The following SLC39A3 variants were observed in gnomAD, a reference collection of about 807,000 sequenced individuals.
SLC39A3 encodes zinc transporter ZIP3.
A neutral mutation model predicts 5.1 loss-of-function variants in SLC39A3; 3 were observed. That is an observed-to-expected ratio of 0.59 (90% CI 0.27 to 1.54). The LOEUF is 1.54. SLC39A3 is among the 40% of genes most tolerant of loss of function. The probability of loss-of-function intolerance (pLI) is 0.12; values close to 1 mark genes in which losing one functional copy is unlikely to be tolerated. For synonymous variants in SLC39A3, 250 were observed against 218.8 expected (o/e 1.14, Z -1.26); for missense variants, 412 against 436.4 (o/e 0.94, Z 0.50).
chr19:2,734,946 G>T lies in SLC39A3; in HGVS notation c.211-1461C>A, dbSNP rs1023019426. On this transcript the variant is annotated intron_variant, in intron 2 of 2. Transcript: ENST00000269740. The surrounding 1 kb of genome is among the most constrained non-coding windows in gnomAD (Gnocchi z 4.6). ...TGTGAACCAGGCACCATTTTCCAGG[G>T]GTGACTGAGAGCCTGGCCCTGCAGT... is the stretch of plus-strand genomic sequence containing the variant. 4 of 985,386 alleles carry T rather than the reference G, an allele frequency of 4.1e-6. No individual in the cohort carries two copies. The highest frequency in any genetic ancestry group is 3.5e-5 in the African/African-American group (2 of 57,238). 61.0% of individuals were successfully genotyped at this position (985,386 alleles called of 1,614,324 possible).
In SLC39A3 at chr19:2,737,133, T is replaced by G; in HGVS notation, c.125A>C (p.Lys42Thr). Reference protein sequence around the residue: ...TDFEKAHRSKKILSLCNTFGG... With the variant: ...TDFEKAHRSKTILSLCNTFGG... ...AAAGGTGTTGCAGAGAGAGAGGATCTTTTTCGAGCGATGGGCCTTCTCAAA... is the reference window on the plus strand; with the variant it reads ...AAAGGTGTTGCAGAGAGAGAGGATCGTTTTCGAGCGATGGGCCTTCTCAAA... The change falls in exon 2 of 3, where the codon AAG (lysine) becomes ACG (threonine). Residue 42 changes from lysine (K) to threonine (T), a missense_variant. Coordinates refer to ENST00000269740, the MANE Select transcript of SLC39A3 (RefSeq NM_144564.5). The G allele has an allele frequency of 6.2e-7, 1 of 1,614,162 alleles. No homozygotes were observed. Among genetic ancestry groups the G allele is most frequent in the South Asian group, 1.1e-5 (1 of 91,076 alleles).
chr19:2,736,980 G>A, intron 2 of SLC39A3, 68 bp downstream of exon 2: 1 of 1,601,478 alleles, frequency 6.2e-7, no homozygotes, highest in Non-Finnish European at 8.5e-7. Context: ...CATCAGTGTT[G>A]AAAATGCATC....
In SLC39A3 at chr19:2,733,208, G is replaced by A. The variant is rs781089559; in HGVS notation, c.488C>T (p.Ser163Leu). The change falls in exon 3 of 3, where the codon TCG (serine) becomes TTG (leucine). Residue 163 changes from serine (S) to leucine (L), a missense_variant. Ser to Leu is a moderately radical substitution (Grantham distance 145, BLOSUM62 -2). Transcript: ENST00000269740. This position sits in a 1 kb window ranked among gnomAD's most constrained non-coding sequence, Gnocchi z 6.1. ...GAGCAGGCGCACGGGGCTGGCGCGC[G>A]AGAGGCCCTGCACGCTCAGGCTGGG... The part of the protein sequence containing the change: ...HGPSLSVQGL[S>L]RASPVRLLSL... 16 of 1,607,136 alleles carry A rather than the reference G, an allele frequency of 1.0e-5. No individual in the cohort carries two copies. The highest frequency in any genetic ancestry group is 2.7e-5 in the African/African-American group (2 of 74,748).
rs1599484856 is a variant in SLC39A3, at chr19:2,734,822, C to T, written c.211-1337G>A. On this transcript the variant is annotated intron_variant, in intron 2 of 2. Coordinates refer to ENST00000269740, the MANE Select transcript of SLC39A3 (RefSeq NM_144564.5). The surrounding 1 kb of genome is among the most constrained non-coding windows in gnomAD (Gnocchi z 4.6). ...TCCCTCACTGACCACCGGCTGGAGG[C>T]CTCATGCATGCCTCGCTTGAGGACA... 1 of 985,514 alleles carries T rather than the reference C, an allele frequency of 1.0e-6. No homozygotes were observed. The highest frequency in any genetic ancestry group is 1.2e-6 in the Non-Finnish European group (1 of 829,974). The allele number at this position is 985,514 out of a possible 1,614,324, so 61.0% of individuals were successfully genotyped here. A position where few individuals can be genotyped will look rare whatever the true frequency, so the allele number is the denominator to read the frequency against.
In SLC39A3 at chr19:2,736,168, G is replaced by A. The variant is rs2144698055; in HGVS notation, c.210+880C>T. The A allele has an allele frequency of 1.3e-5, 13 of 985,576 alleles. No homozygotes were observed. In the South Asian group the frequency reaches 5.6e-4, roughly 43 times the overall value. The allele number at this position is 985,576 out of a possible 1,614,324, so 61.1% of individuals were successfully genotyped here. On this transcript the variant is annotated intron_variant, in intron 2 of 2. Transcript: ENST00000269740. Reference sequence around the variant, plus strand: ...AAGGAACAGGTCAGCAGAGGATGATGCTGTCAGGAGTTGGGGTGGACAGAC... The same window carrying A: ...AAGGAACAGGTCAGCAGAGGATGATACTGTCAGGAGTTGGGGTGGACAGAC...
At position 2,737,054 on chromosome 19, in the gene SLC39A3, C is replaced by T; in HGVS notation, c.204G>A (p.Arg68=). 1 of 1,614,136 alleles carries T rather than the reference C, an allele frequency of 6.2e-7. No individual in the cohort carries two copies. ...TCFNALLPAV[R]EKLQKVLSLG... ...GTGCCCAGGGAGCCCTTACCTTTTCCCTCACAGCGGGCAGCAGAGCGTTGA... is the reference window on the plus strand; with the variant it reads ...GTGCCCAGGGAGCCCTTACCTTTTCTCTCACAGCGGGCAGCAGAGCGTTGA... Residue 68 remains arginine (R), a synonymous_variant, in exon 2 of 3, where the codon AGG becomes AGA. Transcript: ENST00000269740.
intron 1 of SLC39A3, among the ~76,000 whole-genome samples, chr19:2,739,234 A>T (rs1914475076): frequency 6.6e-6 from 1 of 151,998 alleles, no homozygotes; most frequent in Non-Finnish European, 1.5e-5. Context: ...GAACACATGG[A>T]CGAGGGGAAG....
intron 2 of SLC39A3, 124 bp downstream of exon 2, chr19:2,736,924 C>T: frequency 6.5e-7 from 1 of 1,544,834 alleles, no homozygotes; most frequent in Non-Finnish European, 8.8e-7. Context: ...AATTCACTTC[C>T]TACTTTCCGT....
chr19:2,737,317 A>C lies in SLC39A3; in HGVS notation c.-60T>G. On this transcript the variant is annotated 5_prime_UTR_variant, in exon 2 of 3. Transcript: ENST00000269740. ...CCAAACCATCTGTGGGCGCACACCC[A>C]AGTCCCACGATGTGCTACCGAGCCC... 1 of 1,525,666 alleles carries C rather than the reference A, an allele frequency of 6.6e-7. No homozygotes were observed. The highest frequency in any genetic ancestry group is 2.4e-5 in the East Asian group (1 of 41,026). 94.5% of individuals were successfully genotyped at this position (1,525,666 alleles called of 1,614,324 possible).
Position 2,735,655 on chromosome 19 carries a change from G to T in SLC39A3, c.210+1393C>A, listed in dbSNP as rs1010413730. On this transcript the variant is annotated intron_variant, in intron 2 of 2. Transcript: ENST00000269740. The surrounding 1 kb of genome is among the most constrained non-coding windows in gnomAD (Gnocchi z 5.7). ...CCTTTTGATGAACTCAGCGCTAACC[G>T]ATCTGGGGCGGTCATCACAGCTGCA... The T allele has an allele frequency of 9.9e-6, 2 of 201,096 alleles. No homozygotes were observed. The highest frequency in any genetic ancestry group is 1.9e-4 in the East Asian group (1 of 5,370). The allele number at this position is 201,096 out of a possible 1,614,324, so 12.5% of individuals were successfully genotyped here.
intron 1 of SLC39A3, among the ~76,000 whole-genome samples, chr19:2,738,811 C>T (rs956964500): frequency 6.6e-6 from 1 of 152,016 alleles, no homozygotes; most frequent in East Asian, 1.9e-4. Flanking sequence ...GTAGTGGGCA[C>T]CTGTAATCCC....
Position 2,732,935 on chromosome 19 carries a change from T to A in SLC39A3, c.761A>T (p.Gln254Leu). 1.9e-6 allele frequency: 3 copies of A among 1,608,730 alleles called. No individual in the cohort carries two copies. Among genetic ancestry groups the A allele is most frequent in the Non-Finnish European group, 2.5e-6 (3 of 1,177,796 alleles). Residue 254 changes from glutamine to leucine, a missense_variant, in exon 3 of 3, where the codon CAG becomes CTG. Coordinates refer to ENST00000269740, the MANE Select transcript of SLC39A3 (RefSeq NM_144564.5). Reference sequence around the variant, plus strand: ...GGACGCCACGCTGCCCGGCACGCCCTGGGCGCTCTCAATGCCCAGGCCCAG... The same window carrying A: ...GGACGCCACGCTGCCCGGCACGCCCAGGGCGCTCTCAATGCCCAGGCCCAG... ...IGLGLGIESA[Q>L]GVPGSVASVL...
In SLC39A3 at chr19:2,733,096, C is replaced by T; in HGVS notation, c.600G>A (p.Leu200=). The T allele has an allele frequency of 6.2e-7, 1 of 1,611,062 alleles. No homozygotes were observed. The highest frequency in any genetic ancestry group is 8.5e-7 in the Non-Finnish European group (1 of 1,179,168). ...TCTCGTGGACGGCCACCCCCACGAA[C>T]AGGCTCACCACTTTCTCCCCCTCCT... is the stretch of plus-strand genomic sequence containing the variant. ...LQEEGEKVVS[L]FVGVAVHETL... Residue 200 remains leucine (L), a synonymous_variant, in exon 3 of 3, where the codon CTG becomes CTA. Transcript: ENST00000269740. This position sits in a 1 kb window ranked among gnomAD's most constrained non-coding sequence, Gnocchi z 6.1.
Position 2,733,800 on chromosome 19 carries a change from G to A in SLC39A3, c.211-315C>T, listed in dbSNP as rs1484461082. Reference sequence around the variant, plus strand: ...TACTAAAAATACAAAAATTAGCTGGGCATGGTGGCGAGCACCTGTAATCCC... The same window carrying A: ...TACTAAAAATACAAAAATTAGCTGGACATGGTGGCGAGCACCTGTAATCCC... On this transcript the variant is annotated intron_variant, in intron 2 of 2. Transcript: ENST00000269740. The surrounding 1 kb of genome is among the most constrained non-coding windows in gnomAD (Gnocchi z 6.1). Among the ~76,000 whole-genome samples the A allele has an allele frequency of 1.3e-5, 2 of 152,160 alleles. No individual in the cohort carries two copies. The highest frequency in any genetic ancestry group is 2.9e-5 in the Non-Finnish European group (2 of 68,026).
intron 2 of SLC39A3, chr19:2,736,099 C>T: frequency 2.0e-6 from 2 of 985,512 alleles, no homozygotes; most frequent in Non-Finnish European, 2.4e-6. Context: ...ACACTGTGGC[C>T]TGACAGGGGA....
Position 2,737,072 on chromosome 19 carries a change from A to G in SLC39A3, c.186T>C (p.Ala62=), listed in dbSNP as rs1914392608. ...GGVFLATCFN[A]LLPAVREKLQ... ...CCTTTTCCCTCACAGCGGGCAGCAG[A>G]GCGTTGAAGCACGTGGCCAGAAACA... The change falls in exon 2 of 3, where the codon GCT becomes GCC. Residue 62 remains alanine (A), a synonymous_variant. Transcript: ENST00000269740. 8.1e-6 allele frequency: 13 copies of G among 1,613,996 alleles called. No homozygotes were observed. The highest frequency in any genetic ancestry group is 1.1e-5 in the Non-Finnish European group (13 of 1,180,020).
rs1914265208 is a variant in SLC39A3 at position 2,733,521 on chromosome 19, C to T, written c.211-36G>A. On this transcript the variant is annotated intron_variant, in intron 2 of 2. Coordinates refer to ENST00000269740, the MANE Select transcript of SLC39A3 (RefSeq NM_144564.5). This position sits in a 1 kb window ranked among gnomAD's most constrained non-coding sequence, Gnocchi z 6.1. ...GGACACCCGAGAGAGAGAGAGAGAC[C>T]CACGCTCAGGGGTGGCGGCGACAGG... 4.5e-6 allele frequency: 7 copies of T among 1,572,348 alleles called. No homozygotes were observed. The highest frequency in any genetic ancestry group is 6.0e-6 in the Non-Finnish European group (7 of 1,159,318).
rs770485101 is a variant in SLC39A3 at position 2,733,068 on chromosome 19, G to A, written c.628C>T (p.Leu210=). The change falls in exon 3 of 3, where the codon CTG becomes TTG. Residue 210 remains leucine, a synonymous_variant. Coordinates refer to ENST00000269740, the MANE Select transcript of SLC39A3 (RefSeq NM_144564.5). This position sits in a 1 kb window ranked among gnomAD's most constrained non-coding sequence, Gnocchi z 6.1. ...CTGATGCCCAGGGCCACGGCCACCA[G>A]TGTCTCGTGGACGGCCACCCCCACG... ...LFVGVAVHET[L]VAVALGISMA... 1.2e-6 allele frequency: 2 copies of A among 1,610,332 alleles called. No homozygotes were observed. Among genetic ancestry groups the A allele is most frequent in the East Asian group, 4.5e-5 (2 of 44,754 alleles).
At position 2,735,027 on chromosome 19, in the gene SLC39A3, C is replaced by T; in HGVS notation, c.211-1542G>A. Reference sequence around the variant, plus strand: ...CTCATCCGCCTGACCAGCCCGAGGACAGGAGAACGGCGGGAAAGGTTTGGG... The same window carrying T: ...CTCATCCGCCTGACCAGCCCGAGGATAGGAGAACGGCGGGAAAGGTTTGGG... On this transcript the variant is annotated intron_variant, in intron 2 of 2. Coordinates refer to ENST00000269740, the MANE Select transcript of SLC39A3 (RefSeq NM_144564.5). This position sits in a 1 kb window ranked among gnomAD's most constrained non-coding sequence, Gnocchi z 5.7. 1 of 985,406 alleles carries T rather than the reference C, an allele frequency of 1.0e-6. No homozygotes were observed. The highest frequency in any genetic ancestry group is 1.7e-5 in the African/African-American group (1 of 57,316). 61.0% of individuals were successfully genotyped at this position (985,406 alleles called of 1,614,324 possible). A position where few individuals can be genotyped will look rare whatever the true frequency, so the allele number is the denominator to read the frequency against.
Sources: gnomAD v4.1 joint callset for allele counts (sites outside exome capture counted in the v4.1 genomes callset) on GRCh38, gnomAD v4.1.1 for gene constraint, Gnocchi (gnomAD v3.1) non-coding constraint, MANE v1.5 for transcripts, NCBI Gene and HGNC (gene_info 2026-07-23, HGNC 2026-07-21) for gene names.